SPIN1: variants seen among roughly 807,000 people sequenced by gnomAD.
The protein encoded by SPIN1 is spindlin-1.
Under a neutral mutation model 26.0 loss-of-function variants are expected in SPIN1, and 3 were observed. The observed-to-expected ratio is 0.12, with a 90% CI of 0.05 to 0.30. SPIN1 has a LOEUF of 0.30. Among genes scored for constraint, SPIN1 ranks in the 10% least tolerant of loss-of-function variants. SPIN1 has a pLI of 1.00. For missense variants in SPIN1, 126 were observed against 333.4 expected, an observed-to-expected ratio of 0.38 and a Z score of 4.84; for synonymous variants, 101 against 116.5, an observed-to-expected ratio of 0.87 and a Z score of 0.86.
At chr9:88,467,324 A>G (rs1026705648) in intron 4 of SPIN1, among the ~76,000 whole-genome samples, 3 of 152,190 alleles carry the variant, frequency 2.0e-5, no homozygotes, top group Non-Finnish European at 4.4e-5. Context: ...TAAAACAAGA[A>G]AGGGAAGGTC....
At chr9:88,391,104 A>G (rs1444783454) in intron 1 of SPIN1, among the ~76,000 whole-genome samples, 1 of 152,206 alleles carries the variant, frequency 6.6e-6, no homozygotes, top group Non-Finnish European at 1.5e-5. Flanking sequence ...TAACACACAT[A>G]GGACACTTAG....
chr9:88,410,413 T>C, intron 1 of SPIN1: 1 of 589,708 alleles, frequency 1.7e-6, no homozygotes, highest in Non-Finnish European at 3.1e-6. Flanking sequence ...CATGTCTTCT[T>C]TGTAGCATCT....
rs1037928980 is a variant in SPIN1 at position 88,475,204 on chromosome 9, A to G, written c.716A>G (p.Lys239Arg). 5 of 1,614,062 alleles carry G rather than the reference A, an allele frequency of 3.1e-6. No individual in the cohort carries two copies. The highest frequency in any genetic ancestry group is 4.2e-6 in the Non-Finnish European group (5 of 1,180,002). ...ATGGTCATTCATCAAGTAGAAGCCAAGCCCTCCGTCTATTTCATCAAGTTT... is the reference window on the plus strand; with the variant it reads ...ATGGTCATTCATCAAGTAGAAGCCAGGCCCTCCGTCTATTTCATCAAGTTT... ...TGMVIHQVEA[K>R]PSVYFIKFDD... The change falls in exon 6 of 6, where the codon AAG becomes AGG. Residue 239 changes from lysine (K) to arginine (R), a missense_variant. Coordinates refer to ENST00000375859, the MANE Select transcript of SPIN1 (RefSeq NM_006717.3).
intron 1 of SPIN1, among the ~76,000 whole-genome samples, chr9:88,422,812 C>CA (rs777673957): frequency 9.9e-5 from 15 of 151,870 alleles, no homozygotes; most frequent in Non-Finnish European, 2.1e-4. Context: ...CGGGTTCAGG[C>CA]GATTCTCCTG....
intron 1 of SPIN1, among the ~76,000 whole-genome samples, chr9:88,388,897 G>A (rs2119016393): frequency 6.6e-6 from 1 of 151,292 alleles, no homozygotes; most frequent in Admixed American, 6.6e-5. Flanking sequence ...CGGGGAGGCC[G>A]GCGGGCAGGG....
intron 3 of SPIN1, among the ~76,000 whole-genome samples, chr9:88,454,222 A>G (rs1828423260): frequency 6.6e-6 from 1 of 152,204 alleles, no homozygotes; most frequent in South Asian, 2.1e-4. Context: ...CTCTTTCCCA[A>G]GAAAATATAA....
intron 2 of SPIN1, among the ~76,000 whole-genome samples, chr9:88,445,342 A>T: frequency 6.6e-6 from 1 of 151,768 alleles, no homozygotes; most frequent in East Asian, 1.9e-4. Context: ...TCACATACTT[A>T]ATTCTTCACC....
rs11142281 is a variant in SPIN1 at position 88,404,082 on chromosome 9, A to G, written c.-159+15544A>G. ...GAATACTGTAGACAGTTGGAACACA[A>G]TGGTAAGTAATTATGTATGTAAACA... is the stretch of plus-strand genomic sequence containing the variant. On this transcript the variant is annotated intron_variant, in intron 1 of 5. Transcript: ENST00000375859. Among the ~76,000 whole-genome samples the G allele has an allele frequency of 7.8e-3, 1,193 of 152,312 alleles. 13 individuals are homozygous for G. Among genetic ancestry groups the G allele is most frequent in the Non-Finnish European group, 0.01 (693 of 68,036 alleles).
rs1056047606 is a variant in SPIN1 at position 88,476,844 on chromosome 9, C to T, written c.*1567C>T. The T allele has an allele frequency of 6.6e-6, 1 of 152,180 alleles. No individual in the cohort carries two copies. The highest frequency in any genetic ancestry group is 1.5e-5 in the Non-Finnish European group (1 of 68,036). The allele number at this position is 152,180 out of a possible 1,614,324, so 9.4% of individuals were successfully genotyped here. A position where few individuals can be genotyped will look rare whatever the true frequency, so the allele number is the denominator to read the frequency against. ...CCCTGATATTTGGGCAGAGCCTAAA[C>T]GTGCATGCTTGTCACTCAAACACCA... On this transcript the variant is annotated 3_prime_UTR_variant, in exon 6 of 6. Coordinates refer to ENST00000375859, the MANE Select transcript of SPIN1 (RefSeq NM_006717.3).
At chr9:88,420,497 T>G (rs1827648731) in intron 1 of SPIN1, among the ~76,000 whole-genome samples, 1 of 152,238 alleles carries the variant, frequency 6.6e-6, no homozygotes, top group Admixed American at 6.5e-5. Context: ...CTGAAAAGTT[T>G]AAGGTCTTGC....
rs146645004 is a variant in SPIN1 at position 88,410,525 on chromosome 9, C to G, written c.-158-15857C>G. ...CTCCTCTCCTGCTAAGCTTTGTTAC[C>G]TAATTAAAATCTTCTGCTACTGCCA... is the stretch of plus-strand genomic sequence containing the variant. On this transcript the variant is annotated intron_variant, in intron 1 of 5. Transcript: ENST00000375859. 3.4e-3 allele frequency: 2,654 copies of G among 790,226 alleles called. 48 individuals carry two copies. The African/African-American group carries it at 0.037, about 11-fold the overall frequency. The allele number at this position is 790,226 out of a possible 1,614,324, so 49.0% of individuals were successfully genotyped here.
intron 2 of SPIN1, among the ~76,000 whole-genome samples, chr9:88,446,016 C>G (rs138829576): frequency 8.9e-4 from 136 of 152,096 alleles, no homozygotes; most frequent in African/African-American, 3.2e-3. Flanking sequence ...TTTTGATTGG[C>G]ATATTCATGA....
intron 1 of SPIN1, among the ~76,000 whole-genome samples, chr9:88,394,236 T>C (rs1479185061): frequency 6.6e-6 from 1 of 152,220 alleles, no homozygotes; most frequent in Admixed American, 6.5e-5. Context: ...CTGGTTCTCT[T>C]TCCTTTGACA....
At chr9:88,455,655 A>AT (rs1476724085) in intron 3 of SPIN1, among the ~76,000 whole-genome samples, 1 of 152,086 alleles carries the variant, frequency 6.6e-6, no homozygotes, top group Non-Finnish European at 1.5e-5. Context: ...TTCATGTCAT[A>AT]TTTTTTACAC....
chr9:88,407,460 C>T (rs1190533936), intron 1 of SPIN1, among the ~76,000 whole-genome samples: 1 of 151,012 alleles, frequency 6.6e-6, no homozygotes, highest in Non-Finnish European at 1.5e-5. Context: ...TTGAAGGATA[C>T]TTCTGATGTG....
intron 1 of SPIN1, among the ~76,000 whole-genome samples, chr9:88,404,172 T>C (rs558882541): frequency 9.2e-5 from 14 of 152,202 alleles, no homozygotes; most frequent in Non-Finnish European, 1.9e-4. Flanking sequence ...ATTAGGGCAC[T>C]TACCATGAAT....
chr9:88,451,262 G>T (rs1159576218), intron 3 of SPIN1, among the ~76,000 whole-genome samples: 2 of 152,146 alleles, frequency 1.3e-5, no homozygotes, highest in African/African-American at 4.8e-5. Flanking sequence ...TCAGTATGGG[G>T]TGCCCGAGAA....
chr9:88,431,252 A>G lies in SPIN1; in HGVS notation c.52+4661A>G, dbSNP rs540796481. ...GTTAGTCATAGATGCTCATGTACCT[A>G]CTACTCAAATTTAACAAATATTTCT... is the stretch of plus-strand genomic sequence containing the variant. On this transcript the variant is annotated intron_variant, in intron 2 of 5. Coordinates refer to ENST00000375859, the MANE Select transcript of SPIN1 (RefSeq NM_006717.3). Among the ~76,000 whole-genome samples, 8 of 150,448 alleles carry G rather than the reference A, an allele frequency of 5.3e-5. No individual in the cohort carries two copies. The South Asian group carries it at 1.7e-3, about 32-fold the overall frequency.
At chr9:88,459,442 T>C (rs1479568990) in intron 3 of SPIN1, among the ~76,000 whole-genome samples, 2 of 152,154 alleles carry the variant, frequency 1.3e-5, no homozygotes, top group African/African-American at 4.8e-5. Context: ...TTTTTGTTTA[T>C]TTTTATGTTA....
Sources: gnomAD v4.1 joint callset for allele counts (sites outside exome capture counted in the v4.1 genomes callset) on GRCh38, gnomAD v4.1.1 for gene constraint, MANE v1.5 for transcripts, NCBI Gene and HGNC (gene_info 2026-07-23, HGNC 2026-07-21) for gene names.